Variants in RILPL1 observed in about 807,000 individuals in gnomAD.
The protein encoded by RILPL1 is Rab interacting lysosomal protein like 1, also known as RILP-like protein 1.
Under a neutral mutation model 50.3 loss-of-function variants are expected in RILPL1, and 33 were observed. The ratio of observed to expected loss-of-function variants is 0.66; its 90% CI spans 0.50 to 0.88. The LOEUF is 0.88. Ranked by LOEUF, RILPL1 falls within the 40% of genes least tolerant of loss-of-function variation. RILPL1 has a pLI of 0.00. For missense variants in RILPL1, 418 were observed against 542.5 expected, an observed-to-expected ratio of 0.77 and a Z score of 2.28; for synonymous variants, 205 against 228.6, an observed-to-expected ratio of 0.90 and a Z score of 0.93.
intron 1 of RILPL1, among the ~76,000 whole-genome samples, chr12:123,528,841 CCT>C (rs1417871200): frequency 2.0e-5 from 3 of 152,058 alleles, no homozygotes; most frequent in Non-Finnish European, 4.4e-5. Flanking sequence ...CTGATTCTCG[CCT>C]CTGAGTTGAC....
At chr12:123,516,081 A>G (rs1884679635) in intron 2 of RILPL1, among the ~76,000 whole-genome samples, 1 of 148,784 alleles carries the variant, frequency 6.7e-6, no homozygotes, top group South Asian at 2.2e-4. Flanking sequence ...TGATTGAGCA[A>G]CTTGGCCCAA....
chr12:123,487,927 A>G (rs1038684046), intron 4 of RILPL1, among the ~76,000 whole-genome samples: 12 of 152,156 alleles, frequency 7.9e-5, no homozygotes, highest in African/African-American at 2.4e-4. Context: ...TCTTGCCAAC[A>G]GTTATTTTCC....
chr12:123,492,694 T>C (rs902015698), intron 4 of RILPL1, among the ~76,000 whole-genome samples: 34 of 152,120 alleles, frequency 2.2e-4, no homozygotes, highest in African/African-American at 7.7e-4. Context: ...TAGAAAGAAG[T>C]AGACATAGGA....
rs75279302 is a variant in RILPL1 at position 123,497,127 on chromosome 12, C to G, written c.801+1417G>C. Among the ~76,000 whole-genome samples, 666 of 152,328 alleles carry G rather than the reference C, an allele frequency of 4.4e-3. 3 individuals carry two copies. Among genetic ancestry groups the G allele is most frequent in the Non-Finnish European group, 5.9e-3 (403 of 68,042 alleles). On this transcript the variant is annotated intron_variant, in intron 4 of 6. Coordinates refer to ENST00000376874, the MANE Select transcript of RILPL1 (RefSeq NM_178314.5). ...CTGCCGCGTGGCCAGGGCTGCATTC[C>G]TCTTTAGAGCTGAATCATATCCCCC...
At chr12:123,499,731 C>G (rs1277207995) in intron 2 of RILPL1, among the ~76,000 whole-genome samples, 195 bp from the exon 3 acceptor site, 3 of 152,120 alleles carry the variant, frequency 2.0e-5, no homozygotes, top group Non-Finnish European at 4.4e-5. Context: ...CCCCCGAGGT[C>G]ATTCCCACCT....
intron 2 of RILPL1, among the ~76,000 whole-genome samples, chr12:123,511,493 ATGTG>A (rs930649040): frequency 2.1e-4 from 8 of 37,278 alleles, no homozygotes; most frequent in African/African-American, 3.7e-4. Context: ...TGAGGTCTGT[ATGTG>A]TGTATGTGGT....
chr12:123,524,759 G>A (rs1485958913), intron 1 of RILPL1, among the ~76,000 whole-genome samples: 2 of 152,232 alleles, frequency 1.3e-5, no homozygotes, highest in African/African-American at 4.8e-5. Flanking sequence ...TGGTTGTCTA[G>A]AGCCAGAGTG....
In RILPL1 at chr12:123,518,833, C is replaced by T. The variant is rs113004500; in HGVS notation, c.460+4662G>A. On this transcript the variant is annotated intron_variant, in intron 2 of 6. Coordinates refer to ENST00000376874, the MANE Select transcript of RILPL1 (RefSeq NM_178314.5). ...CAGCACTTTGGGAGGCCGAGGCAGG[C>T]GGATCATGAGGTCAGGAGATCGAGA... is the stretch of plus-strand genomic sequence containing the variant. Among the ~76,000 whole-genome samples the T allele has an allele frequency of 2.6e-3, 396 of 151,812 alleles. 1 individual carries two copies. The highest frequency in any genetic ancestry group is 3.8e-3 in the Non-Finnish European group (261 of 67,932).
At chr12:123,505,776 T>C (rs1433323764) in intron 2 of RILPL1, among the ~76,000 whole-genome samples, 5 of 152,118 alleles carry the variant, frequency 3.3e-5, no homozygotes, top group Non-Finnish European at 7.4e-5. Flanking sequence ...GATGCACCAC[T>C]ACAGCTGGCT....
intron 2 of RILPL1, among the ~76,000 whole-genome samples, chr12:123,501,745 T>G (rs1375206516): frequency 7.6e-6 from 1 of 130,842 alleles, no homozygotes; most frequent in Non-Finnish European, 1.6e-5. Flanking sequence ...GGGCAACAGT[T>G]CGAGACTCTG....
chr12:123,470,875 T>C lies in RILPL1; in HGVS notation c.*1663A>G, dbSNP rs1881159043. 6.6e-6 allele frequency: 1 copy of C among 152,080 alleles called. No individual in the cohort carries two copies. Among genetic ancestry groups the C allele is most frequent in the African/African-American group, 2.4e-5 (1 of 41,418 alleles). The allele number at this position is 152,080 out of a possible 1,614,324, so 9.4% of individuals were successfully genotyped here. A position where few individuals can be genotyped will look rare whatever the true frequency, so the allele number is the denominator to read the frequency against. The stretch of plus-strand genomic sequence containing the variant: ...GAAGGGCAACAAAGGTGGCCAGGGG[T>C]GGGAGAGAAATTCATCAGTATACCT... On this transcript the variant is annotated 3_prime_UTR_variant, in exon 7 of 7. Coordinates refer to ENST00000376874, the MANE Select transcript of RILPL1 (RefSeq NM_178314.5).
chr12:123,487,621 G>C (rs1882430547), intron 4 of RILPL1, among the ~76,000 whole-genome samples: 3 of 152,196 alleles, frequency 2.0e-5, no homozygotes, highest in Admixed American at 2.0e-4. Flanking sequence ...CACTCCTTTT[G>C]ATGGCTGAGC....
rs1294185047 is a variant in RILPL1, at chr12:123,512,145, CTGTG to C, written c.460+11346_460+11349del. ...TGTGTGTGTGTGGTGTGTGTGAGGT[CTGTG>C]TGTGTGGTGTGTGAGGTCTGTGTGT... On this transcript the variant is annotated intron_variant, in intron 2 of 6. Coordinates refer to ENST00000376874, the MANE Select transcript of RILPL1 (RefSeq NM_178314.5). Among the ~76,000 whole-genome samples, 85 of 31,706 alleles carry C rather than the reference CTGTG, an allele frequency of 2.7e-3. 1 individual carries two copies. The highest frequency in any genetic ancestry group is 2.4e-3 in the Non-Finnish European group (38 of 16,114). 20.8% of individuals were successfully genotyped at this position (31,706 alleles called of 152,430 possible). A position where few individuals can be genotyped will look rare whatever the true frequency, so the allele number is the denominator to read the frequency against.
intron 2 of RILPL1, among the ~76,000 whole-genome samples, chr12:123,504,239 G>A (rs1035426650): frequency 4.6e-5 from 7 of 152,080 alleles, no homozygotes; most frequent in African/African-American, 1.2e-4. Context: ...CTTAGCCCCC[G>A]GGACTCAGGA....
At chr12:123,488,693 G>T (rs972812702) in intron 4 of RILPL1, among the ~76,000 whole-genome samples, 1 of 152,148 alleles carries the variant, frequency 6.6e-6, no homozygotes, top group Non-Finnish European at 1.5e-5. Context: ...GGCCCAGGTT[G>T]GGGGAGCAAG....
At position 123,522,321 on chromosome 12, in the gene RILPL1, C is replaced by G. The variant is rs781769729; in HGVS notation, c.460+1174G>C. On this transcript the variant is annotated intron_variant, in intron 2 of 6. Transcript: ENST00000376874. This position sits in a 1 kb window ranked among gnomAD's most constrained non-coding sequence, Gnocchi z 4.0. ...ACAGCCCCGCCTGGCCCGAATCTTGCGGCCCATTTGTCCTTTTCCCAGCAC... is the reference window on the plus strand; with the variant it reads ...ACAGCCCCGCCTGGCCCGAATCTTGGGGCCCATTTGTCCTTTTCCCAGCAC... 6.6e-6 allele frequency among the ~76,000 whole-genome samples: 1 copy of G among 152,188 alleles called. No homozygotes were observed. Among genetic ancestry groups the G allele is most frequent in the Non-Finnish European group, 1.5e-5 (1 of 68,032 alleles).
intron 2 of RILPL1, chr12:123,518,362 C>T: frequency 4.7e-6 from 2 of 424,332 alleles, no homozygotes; most frequent in Admixed American, 2.6e-5. Context: ...TAAAACTTAG[C>T]CAGGCGTGGT....
At chr12:123,492,130 C>T (rs927277703) in intron 4 of RILPL1, among the ~76,000 whole-genome samples, 2 of 151,706 alleles carry the variant, frequency 1.3e-5, no homozygotes, top group African/African-American at 4.8e-5. Flanking sequence ...AAAAATTAGC[C>T]TATCATGGTG....
In RILPL1 at chr12:123,472,645, T is replaced by C. The variant is rs762048160; in HGVS notation, c.1105A>G (p.Asn369Asp). The change falls in exon 7 of 7, where the codon AAC becomes GAC. Residue 369 changes from asparagine (N) to aspartate (D), a missense_variant. Asn to Asp is a conservative substitution (Grantham distance 23, BLOSUM62 1). Transcript: ENST00000376874. ...TGGATGTGCACGTTTCTCTGTGTGT[T>C]GGCCAGGCGCTTCTTATCTCGGGAG... is the stretch of plus-strand genomic sequence containing the variant. Reference protein sequence around the residue: ...FFSRDKKRLANTQRNVHIQES... With the variant: ...FFSRDKKRLADTQRNVHIQES... 2 of 1,598,238 alleles carry C rather than the reference T, an allele frequency of 1.3e-6. No individual in the cohort carries two copies. Among genetic ancestry groups the C allele is most frequent in the Admixed American group, 3.5e-5 (2 of 57,218 alleles).
Sources: gnomAD v4.1 joint callset for allele counts (sites outside exome capture counted in the v4.1 genomes callset) on GRCh38, gnomAD v4.1.1 for gene constraint, Gnocchi (gnomAD v3.1) non-coding constraint, MANE v1.5 for transcripts, NCBI Gene and HGNC (gene_info 2026-07-23, HGNC 2026-07-21) for gene names.